PHF8: variants seen among roughly 807,000 people sequenced by gnomAD.
The protein encoded by PHF8 is histone lysine demethylase PHF8.
PHF8 carries 9 observed loss-of-function variants against 74.4 expected under a neutral mutation model. The observed-to-expected ratio is 0.12, with a 90% CI of 0.07 to 0.21. The LOEUF (loss-of-function observed/expected upper bound fraction) is 0.21. Among genes scored for constraint, PHF8 ranks in the 10% least tolerant of loss-of-function variants. The pLI, the probability that PHF8 is intolerant of heterozygous loss-of-function variation, is 1.00. For synonymous variants in PHF8, 311 were observed against 316.6 expected (o/e 0.98, Z 0.19); for missense variants, 478 against 816.6 (o/e 0.59, Z 5.05).
chrX:54,016,554 G>A, intron 6 of PHF8, 41 bp downstream of exon 6: 1 of 1,136,002 alleles, frequency 8.8e-7, no homozygotes. Context: ...ACAAGTTTCA[G>A]GCACTTTGTC....
Position 53,938,167 on chromosome X carries a change from G to A in PHF8, c.*991C>T, listed in dbSNP as rs2064695300. 11 of 1,107,367 alleles carry A rather than the reference G, an allele frequency of 9.9e-6. No individual in the cohort carries two copies. Among genetic ancestry groups the A allele is most frequent in the Non-Finnish European group, 1.1e-5 (9 of 845,753 alleles). 91.3% of individuals were successfully genotyped at this position (1,107,367 alleles called of 1,213,427 possible). A position where few individuals can be genotyped will look rare whatever the true frequency, so the allele number is the denominator to read the frequency against. Reference sequence around the variant, plus strand: ...GAAAAGTTCCCGATGGAGGACCCAGGTGTGGGCCGTCCCGCCACACCCTCC... The same window carrying A: ...GAAAAGTTCCCGATGGAGGACCCAGATGTGGGCCGTCCCGCCACACCCTCC... On this transcript the variant is annotated 3_prime_UTR_variant, in exon 22 of 22. Transcript: ENST00000338154.
intron 6 of PHF8, among the ~76,000 whole-genome samples, chrX:54,014,885 A>G: frequency 8.9e-6 from 1 of 111,892 alleles, no homozygotes; most frequent in Admixed American, 9.5e-5. Context: ...AAGTTATTGC[A>G]CTATCCCCAT....
chrX:53,944,614 A>G (rs2064803490), intron 19 of PHF8: 1 of 176,775 alleles, frequency 5.7e-6, no homozygotes, highest in Non-Finnish European at 1.1e-5. Context: ...GCTACTTGGG[A>G]GGCTGAAGTG....
Position 53,939,245 on chromosome X carries a change from T to G in PHF8, c.2988A>C (p.Gly996=). ...VGSQSNQAGQ[G]KRPKKGLATA... ...TGGCCAGGCCCTTTTTGGGACGCTTTCCTGTGGGGGAAGGGAAAAGTAAGC... is the reference window on the plus strand; with the variant it reads ...TGGCCAGGCCCTTTTTGGGACGCTTGCCTGTGGGGGAAGGGAAAAGTAAGC... The change falls in exon 22 of 22, where the codon GGA becomes GGC. Residue 996 remains glycine (G), a splice_region_variant and synonymous_variant. Coordinates refer to ENST00000338154, the MANE Select transcript of PHF8 (RefSeq NM_015107.3). The G allele has an allele frequency of 8.3e-7, 1 of 1,206,196 alleles. No homozygotes were observed. Among genetic ancestry groups the G allele is most frequent in the Non-Finnish European group, 1.1e-6 (1 of 891,442 alleles).
intron 14 of PHF8, among the ~76,000 whole-genome samples, chrX:53,991,674 A>C (rs1166002761): frequency 1.9e-5 from 2 of 105,368 alleles, no homozygotes; most frequent in Admixed American, 1.0e-4. Context: ...AAAAAAAAAA[A>C]AAAAAAAAAA....
At chrX:53,956,846 C>T (rs1243967169) in intron 19 of PHF8, among the ~76,000 whole-genome samples, 1 of 110,996 alleles carries the variant, frequency 9.0e-6, no homozygotes, top group African/African-American at 3.3e-5. Context: ...AACATAGAGG[C>T]TATGCTTAAT....
intron 19 of PHF8, among the ~76,000 whole-genome samples, chrX:53,951,258 T>C (rs1431110043): frequency 8.9e-6 from 1 of 112,006 alleles, no homozygotes; most frequent in Non-Finnish European, 1.9e-5. Context: ...TTATCCAGTC[T>C]GATGAGCACA....
chrX:53,958,692 C>T (rs1480365520), intron 19 of PHF8, among the ~76,000 whole-genome samples: 10 of 97,962 alleles, frequency 1.0e-4, no homozygotes, highest in Admixed American at 5.9e-4. Context: ...AGGAGAATGG[C>T]GTGAACCCAG....
chrX:53,962,825 G>A lies in PHF8; in HGVS notation c.2539+19C>T. ...CCTGACCACCCCTACAGAGTTTAAG[G>A]GACAAAATACTAGATTACCTTTAGG... On this transcript the variant is annotated intron_variant, in intron 19 of 21. Coordinates refer to ENST00000338154, the MANE Select transcript of PHF8 (RefSeq NM_015107.3). 1 of 989,490 alleles carries A rather than the reference G, an allele frequency of 1.0e-6. No homozygotes were observed. Among genetic ancestry groups the A allele is most frequent in the Non-Finnish European group, 1.4e-6 (1 of 693,310 alleles). The allele number at this position is 989,490 out of a possible 1,213,427, so 81.5% of individuals were successfully genotyped here.
intron 2 of PHF8, among the ~76,000 whole-genome samples, chrX:54,032,204 C>G (rs782372190): frequency 9.0e-6 from 1 of 111,714 alleles, no homozygotes; most frequent in Middle Eastern, 4.6e-3. Flanking sequence ...GGCTGTTAAA[C>G]CACAGATTCT....
intron 7 of PHF8, 73 bp from the exon 8 acceptor site, chrX:54,011,357 G>A (rs1204465871): frequency 1.2e-6 from 1 of 846,074 alleles, no homozygotes; most frequent in African/African-American, 2.0e-5. Context: ...GTACTCCAAA[G>A]GGGTATTTCT....
chrX:54,002,504 T>C, intron 9 of PHF8, 91 bp downstream of exon 9: 1 of 614,846 alleles, frequency 1.6e-6, no homozygotes. Flanking sequence ...GAACCATTCC[T>C]TTCTGGCCAT....
At chrX:54,002,833 A>G in intron 8 of PHF8, 151 bp from the exon 9 acceptor site, 1 of 505,452 alleles carries the variant, frequency 2.0e-6, no homozygotes, top group East Asian at 3.7e-5. Context: ...GTGTGGTCCA[A>G]GGAATCCTTA....
At chrX:53,948,073 A>G (rs1259024573) in intron 19 of PHF8, among the ~76,000 whole-genome samples, 1 of 111,891 alleles carries the variant, frequency 8.9e-6, no homozygotes, top group African/African-American at 3.2e-5. Flanking sequence ...ATACATGAAC[A>G]TAAGAAAATG....
rs139603634 is a variant in PHF8, at chrX:53,944,236, C to T, written c.2547G>A (p.Val849=). The change falls in exon 20 of 22, where the codon GTG becomes GTA. Residue 849 remains valine, a synonymous_variant. Coordinates refer to ENST00000338154, the MANE Select transcript of PHF8 (RefSeq NM_015107.3). ...DDAPWSPKAR[V]TPTLPKQDRP... ...GGTCCTGCTTCGGCAGAGTTGGGGT[C>T]ACGCGGGCTGCAAGGGAAACAGGAT... is the stretch of plus-strand genomic sequence containing the variant. The T allele has an allele frequency of 3.8e-4, 455 of 1,200,572 alleles. No homozygotes were observed. Among genetic ancestry groups the T allele is most frequent in the Non-Finnish European group, 5.0e-4 (442 of 887,180 alleles).
intron 18 of PHF8, among the ~76,000 whole-genome samples, chrX:53,970,377 G>A (rs782758298): frequency 1.8e-5 from 2 of 112,042 alleles, no homozygotes; most frequent in South Asian, 7.4e-4. Flanking sequence ...CCTAAAGGAA[G>A]TACTTTAGTA....
At position 54,017,422 on chromosome X, in the gene PHF8, T is replaced by A. The variant is rs781812526; in HGVS notation, c.454+239A>T. On this transcript the variant is annotated intron_variant, in intron 5 of 21. Transcript: ENST00000338154. Reference sequence around the variant, plus strand: ...TTAATTGCGCCACTGTACTCCAGCCTGGGCAACAGGGCGAGACCCTGTCTC... The same window carrying A: ...TTAATTGCGCCACTGTACTCCAGCCAGGGCAACAGGGCGAGACCCTGTCTC... 8.0e-5 allele frequency among the ~76,000 whole-genome samples: 9 copies of A among 112,354 alleles called. No homozygotes were observed. In the South Asian group the frequency reaches 3.3e-3, roughly 42 times the overall value.
intron 20 of PHF8, 111 bp downstream of exon 20, chrX:53,944,023 T>G: frequency 3.8e-6 from 2 of 520,046 alleles, no homozygotes; most frequent in Non-Finnish European, 6.9e-6. Flanking sequence ...CAAAGGTTAC[T>G]CAATCCCCAT....
intron 12 of PHF8, chrX:53,995,315 C>T (rs782743192): frequency 3.1e-6 from 1 of 325,708 alleles, no homozygotes; most frequent in Non-Finnish European, 6.0e-6. Flanking sequence ...TACTGTGCAC[C>T]TACTGTGTGC....
Sources: gnomAD v4.1 joint callset for allele counts (sites outside exome capture counted in the v4.1 genomes callset) on GRCh38, gnomAD v4.1.1 for gene constraint, MANE v1.5 for transcripts, NCBI Gene and HGNC (gene_info 2026-07-23, HGNC 2026-07-21) for gene names.